The following NOL4 variants were observed in gnomAD, a reference collection of about 807,000 sequenced individuals.
NOL4 encodes nucleolar protein 4.
In NOL4, 17 loss-of-function variants were observed where a neutral mutation model predicts 75.9. The observed-to-expected ratio is 0.22, with a 90% CI of 0.15 to 0.34. The LOEUF is 0.34. Among genes scored for constraint, NOL4 ranks in the 10% least tolerant of loss-of-function variants. NOL4 has a pLI of 1.00. For synonymous variants in NOL4, 292 were observed against 289.9 expected, an observed-to-expected ratio of 1.01 and a Z score of -0.07; for missense variants, 614 against 793.5, an observed-to-expected ratio of 0.77 and a Z score of 2.72.
chr18:33,997,507 T>TGC (rs111708310), intron 6 of NOL4, among the ~76,000 whole-genome samples: 1 of 151,598 alleles, frequency 6.6e-6, no homozygotes, highest in African/African-American at 2.4e-5. Context: ...GGTAATGTGA[T>TGC]CGTCTGGCTT....
intron 1 of NOL4, among the ~76,000 whole-genome samples, chr18:34,140,638 G>T (rs1288309355): frequency 6.6e-6 from 1 of 152,042 alleles, no homozygotes; most frequent in East Asian, 1.9e-4. Context: ...TATCCAATTT[G>T]CCAGTCTGTG....
At chr18:33,929,537 T>A (rs1165464589) in intron 9 of NOL4, among the ~76,000 whole-genome samples, 1 of 152,154 alleles carries the variant, frequency 6.6e-6, no homozygotes, top group Non-Finnish European at 1.5e-5. Flanking sequence ...AGCCATTATG[T>A]CTTATTCATA....
intron 5 of NOL4, among the ~76,000 whole-genome samples, chr18:34,083,331 G>T (rs1479605021): frequency 6.6e-6 from 1 of 152,182 alleles, no homozygotes; most frequent in Non-Finnish European, 1.5e-5. Context: ...TCGCAGCCAG[G>T]ATGGGAGGGA....
At chr18:33,924,823 A>G (rs12605529) in intron 9 of NOL4, among the ~76,000 whole-genome samples, 5,128 of 152,266 alleles carry the variant, frequency 0.034, 98 homozygotes, top group East Asian at 0.054. Context: ...GTGGACTAAT[A>G]TTTGATCTAG....
At chr18:34,053,872 T>C (rs997865139) in intron 5 of NOL4, among the ~76,000 whole-genome samples, 1 of 151,990 alleles carries the variant, frequency 6.6e-6, no homozygotes, top group Non-Finnish European at 1.5e-5. Flanking sequence ...ACATTGATTT[T>C]TACCAAACTA....
intron 6 of NOL4, among the ~76,000 whole-genome samples, chr18:33,965,488 G>A (rs894294480): frequency 1.3e-5 from 2 of 152,106 alleles, no homozygotes; most frequent in African/African-American, 4.8e-5. Flanking sequence ...GCAATACCTT[G>A]TGATACGGTT....
chr18:34,174,117 C>A (rs1049155385), intron 1 of NOL4, among the ~76,000 whole-genome samples: 3 of 152,166 alleles, frequency 2.0e-5, no homozygotes, highest in Non-Finnish European at 2.9e-5. Context: ...GACTGGCAAA[C>A]TGTCTTACAT....
intron 9 of NOL4, among the ~76,000 whole-genome samples, chr18:33,937,846 A>G (rs1451820458): frequency 6.6e-6 from 1 of 152,176 alleles, no homozygotes; most frequent in Non-Finnish European, 1.5e-5. Context: ...ACAGCTCTCC[A>G]GATGAAGTGA....
intron 6 of NOL4, among the ~76,000 whole-genome samples, chr18:34,010,554 T>C (rs1768120759): frequency 6.6e-6 from 1 of 151,904 alleles, no homozygotes; most frequent in Non-Finnish European, 1.5e-5. Context: ...ACTAACCAGA[T>C]TATTTACAAA....
intron 1 of NOL4, among the ~76,000 whole-genome samples, chr18:34,209,184 ACT>A (rs1335978014): frequency 7.8e-5 from 11 of 141,658 alleles, no homozygotes; most frequent in Non-Finnish European, 1.7e-4. Flanking sequence ...GCAGAGTGAG[ACT>A]CTGTCTCCAA....
chr18:34,080,364 A>C (rs1318504152), intron 5 of NOL4, among the ~76,000 whole-genome samples: 3 of 152,152 alleles, frequency 2.0e-5, no homozygotes, highest in African/African-American at 7.2e-5. Flanking sequence ...TATTTTGCAC[A>C]CTGCTGAATC....
intron 5 of NOL4, among the ~76,000 whole-genome samples, chr18:34,046,548 G>C (rs1230786427): frequency 1.2e-4 from 17 of 141,420 alleles, no homozygotes; most frequent in African/African-American, 4.0e-4. Context: ...AAAAACTTTG[G>C]TTAAGGTAGT....
intron 5 of NOL4, among the ~76,000 whole-genome samples, chr18:34,069,225 AG>A (rs2077408701): frequency 6.6e-6 from 1 of 152,194 alleles, no homozygotes; most frequent in South Asian, 2.1e-4. Flanking sequence ...GAAATTATGG[AG>A]TTGTAGAAAA....
At chr18:33,889,214 A>G (rs2064950889) in intron 9 of NOL4, among the ~76,000 whole-genome samples, 1 of 152,144 alleles carries the variant, frequency 6.6e-6, no homozygotes, top group South Asian at 2.1e-4. Flanking sequence ...CAGAAATAGA[A>G]ACTATCATCA....
At chr18:34,119,944 T>C (rs1304924301) in intron 2 of NOL4, among the ~76,000 whole-genome samples, 1 of 152,124 alleles carries the variant, frequency 6.6e-6, no homozygotes, top group African/African-American at 2.4e-5. Context: ...AGGATTAAGT[T>C]TGCTAGATAA....
chr18:33,939,897 G>C (rs886443079), intron 9 of NOL4, among the ~76,000 whole-genome samples: 1 of 151,622 alleles, frequency 6.6e-6, no homozygotes, highest in Non-Finnish European at 1.5e-5. Context: ...AGAAGGATAT[G>C]AACAGACACT....
intron 5 of NOL4, among the ~76,000 whole-genome samples, chr18:34,058,932 A>G (rs962267528): frequency 2.6e-5 from 4 of 151,824 alleles, no homozygotes; most frequent in Admixed American, 6.6e-5. Context: ...GAAAGCCATC[A>G]AATTGATTAT....
intron 8 of NOL4, among the ~76,000 whole-genome samples, chr18:33,952,849 G>A (rs570207422): frequency 1.6e-3 from 248 of 152,276 alleles, no homozygotes; most frequent in African/African-American, 5.6e-3. Flanking sequence ...GCTTGAAACC[G>A]GGAGGTGGAG....
intron 6 of NOL4, among the ~76,000 whole-genome samples, chr18:33,980,049 A>G (rs2071824563): frequency 6.6e-6 from 1 of 152,082 alleles, no homozygotes; most frequent in African/African-American, 2.4e-5. Context: ...TTGCCACTCC[A>G]TCCTAACAAC....
Sources: allele counts gnomAD v4.1 joint callset (sites outside exome capture counted in the v4.1 genomes callset), GRCh38; gene constraint gnomAD v4.1.1; transcripts MANE v1.5; gene names NCBI Gene and HGNC (gene_info 2026-07-23, HGNC 2026-07-21).